BPI: variants seen among roughly 807,000 people sequenced by gnomAD.
BPI encodes bactericidal permeability increasing protein, also known as bactericidal permeability-increasing protein.
A neutral mutation model predicts 57.6 loss-of-function variants in BPI; 48 were observed. The ratio of observed to expected loss-of-function variants is 0.83; its 90% CI spans 0.66 to 1.06. The LOEUF is 1.06. BPI is among the 50% of genes least tolerant of loss of function. The probability of loss-of-function intolerance (pLI) is 0.00; values close to 1 mark genes in which losing one functional copy is unlikely to be tolerated. For synonymous variants in BPI, 237 were observed against 238.2 expected, an observed-to-expected ratio of 0.99 and a Z score of 0.05; for missense variants, 651 against 609.7, an observed-to-expected ratio of 1.07 and a Z score of -0.71.
At chr20:38,331,660 A>T (rs1319381824) in intron 12 of BPI, among the ~76,000 whole-genome samples, 1 of 152,098 alleles carries the variant, frequency 6.6e-6, no homozygotes, top group Non-Finnish European at 1.5e-5. Flanking sequence ...CCTGGGCAAC[A>T]TAGCAAGACC....
At position 38,326,300 on chromosome 20, in the gene BPI, C is replaced by A. The variant is rs1186272537; in HGVS notation, c.1029C>A (p.Ile343=). The change falls in exon 10 of 15, where the codon ATC becomes ATA. Residue 343 remains isoleucine (I), a synonymous_variant. Transcript: ENST00000642449. ...AKKFPNMKIQ[I]HVSASTPPHL... The stretch of plus-strand genomic sequence containing the variant: ...AGTTTCCCAACATGAAGATACAGAT[C>A]CATGTCTCAGCCTCCACCCCGCCAC... The A allele has an allele frequency of 6.2e-7, 1 of 1,613,864 alleles. No homozygotes were observed. Among genetic ancestry groups the A allele is most frequent in the East Asian group, 2.2e-5 (1 of 44,864 alleles).
chr20:38,322,020 T>C (rs138714745), intron 7 of BPI, among the ~76,000 whole-genome samples: 3 of 152,344 alleles, frequency 2.0e-5, no homozygotes, highest in Non-Finnish European at 4.4e-5. Context: ...TGTCATATTA[T>C]ATATTCTGCT....
intron 11 of BPI, among the ~76,000 whole-genome samples, chr20:38,328,411 G>T (rs1264942850): frequency 6.6e-6 from 1 of 152,044 alleles, no homozygotes; most frequent in Non-Finnish European, 1.5e-5. Flanking sequence ...AATTAACTGG[G>T]CATGGTCAGG....
intron 1 of BPI, 54 bp from the exon 2 acceptor site, chr20:38,307,513 T>C: frequency 7.3e-7 from 1 of 1,373,380 alleles, no homozygotes. Context: ...CCTGCCCCTC[T>C]GTCCCCTGCT....
At chr20:38,333,592 T>G (rs1483809470) in intron 12 of BPI, among the ~76,000 whole-genome samples, 2 of 151,460 alleles carry the variant, frequency 1.3e-5, no homozygotes, top group Non-Finnish European at 3.0e-5. Context: ...AAAAATGGAA[T>G]GATGTGATTT....
intron 12 of BPI, among the ~76,000 whole-genome samples, chr20:38,333,063 C>G (rs894908414): frequency 6.6e-6 from 1 of 152,016 alleles, no homozygotes; most frequent in Non-Finnish European, 1.5e-5. Flanking sequence ...CCCTCCAACC[C>G]CAAAGTCATA....
At chr20:38,311,992 C>G in intron 5 of BPI, 55 bp downstream of exon 5, 5 of 1,538,444 alleles carry the variant, frequency 3.3e-6, no homozygotes, top group Non-Finnish European at 4.5e-6. Context: ...CCTTAGTAAC[C>G]ACACACCTCC....
intron 3 of BPI, among the ~76,000 whole-genome samples, chr20:38,310,223 G>A (rs916435311): frequency 1.3e-5 from 2 of 152,170 alleles, no homozygotes; most frequent in South Asian, 4.1e-4. Flanking sequence ...TAAGAAACAT[G>A]CCCAAGGCCA....
intron 3 of BPI, among the ~76,000 whole-genome samples, chr20:38,309,709 A>C (rs2076613181): frequency 6.6e-6 from 1 of 152,222 alleles, no homozygotes; most frequent in Admixed American, 6.5e-5. Flanking sequence ...GGGCAGGGTG[A>C]AAAATAGGGG....
chr20:38,331,123 C>T (rs1288617870), intron 12 of BPI, 33 bp downstream of exon 12: 1 of 1,608,580 alleles, frequency 6.2e-7, no homozygotes, highest in Non-Finnish European at 8.5e-7. Flanking sequence ...CTTCTTCCTC[C>T]TTCTGACCTG....
Position 38,309,025 on chromosome 20 carries a change from T to C in BPI, c.341T>C (p.Ile114Thr). Residue 114 changes from isoleucine to threonine, a missense_variant, in exon 3 of 15, where the codon ATC becomes ACC. Coordinates refer to ENST00000642449, the MANE Select transcript of BPI (RefSeq NM_001725.3). ...TCCATCAGCAACGCCAATATCAAGA[T>C]CAGCGGGAAATGGAAGGCACAAAAG... Reference protein sequence around the residue: ...KFSISNANIKISGKWKAQKRF... With the variant: ...KFSISNANIKTSGKWKAQKRF... 6.2e-7 allele frequency: 1 copy of C among 1,614,214 alleles called. No individual in the cohort carries two copies. The highest frequency in any genetic ancestry group is 8.5e-7 in the Non-Finnish European group (1 of 1,180,044).
In BPI at chr20:38,336,125, G is replaced by A. The variant is rs114519200; in HGVS notation, c.1413+451G>A. Among the ~76,000 whole-genome samples the A allele has an allele frequency of 1.4e-3, 214 of 152,178 alleles. 1 individual carries two copies. The highest frequency in any genetic ancestry group is 4.6e-3 in the African/African-American group (192 of 41,536). Reference sequence around the variant, plus strand: ...GTGGCTTTCGCCCAGGCTGACTTCCGTCTGCATTTGACACTGATGCGCTTC... The same window carrying A: ...GTGGCTTTCGCCCAGGCTGACTTCCATCTGCATTTGACACTGATGCGCTTC... On this transcript the variant is annotated intron_variant, in intron 14 of 14. Transcript: ENST00000642449.
intron 9 of BPI, among the ~76,000 whole-genome samples, chr20:38,325,243 G>T (rs1453181708): frequency 6.7e-6 from 1 of 149,194 alleles, no homozygotes; most frequent in African/African-American, 2.5e-5. Context: ...GAAACCAACA[G>T]GTGGATGAGG....
chr20:38,313,797 GGATGAT>G (rs913587567), intron 5 of BPI, among the ~76,000 whole-genome samples: 1 of 141,042 alleles, frequency 7.1e-6, no homozygotes, highest in East Asian at 2.1e-4. Flanking sequence ...GTGATGGTGG[GGATGAT>G]GATGATGGTG....
chr20:38,318,397 G>A lies in BPI; in HGVS notation c.601-16G>A. 2 of 1,609,030 alleles carry A rather than the reference G, an allele frequency of 1.2e-6. No homozygotes were observed. Among genetic ancestry groups the A allele is most frequent in the Non-Finnish European group, 1.7e-6 (2 of 1,175,334 alleles). On this transcript the variant is annotated splice_polypyrimidine_tract_variant and intron_variant, in intron 5 of 14. Coordinates refer to ENST00000642449, the MANE Select transcript of BPI (RefSeq NM_001725.3). ...TATGGGAAGACCTTACTGATTACTT[G>A]TTTGGTTCTCCCCAGGTCTGCGAGA...
chr20:38,314,184 A>ATGG (rs1555838385), intron 5 of BPI, among the ~76,000 whole-genome samples: 12 of 94,398 alleles, frequency 1.3e-4, no homozygotes, highest in East Asian at 4.4e-4. Flanking sequence ...GATGATAATA[A>ATGG]TGATGGTGAT....
At chr20:38,326,723 A>G (rs2076715336) in intron 10 of BPI, among the ~76,000 whole-genome samples, 1 of 152,184 alleles carries the variant, frequency 6.6e-6, no homozygotes, top group African/African-American at 2.4e-5. Context: ...TACTGTTCCA[A>G]TTCATCCATT....
chr20:38,322,253 T>C lies in BPI; in HGVS notation c.757-1617T>C, dbSNP rs547079348. Among the ~76,000 whole-genome samples the C allele has an allele frequency of 9.8e-4, 149 of 152,260 alleles. 1 individual carries two copies. Among genetic ancestry groups the C allele is most frequent in the African/African-American group, 3.5e-3 (147 of 41,540 alleles). On this transcript the variant is annotated intron_variant, in intron 7 of 14. Coordinates refer to ENST00000642449, the MANE Select transcript of BPI (RefSeq NM_001725.3). ...TTGCAATCGTGTCTCTGTCTATCCT[T>C]GAGTATTTCCTAGAAGTGGAATTGC...
chr20:38,310,821 C>T (rs2076618495), intron 4 of BPI, among the ~76,000 whole-genome samples, 169 bp downstream of exon 4: 1 of 152,226 alleles, frequency 6.6e-6, no homozygotes, highest in Non-Finnish European at 1.5e-5. Flanking sequence ...CAGACACTGT[C>T]TCTTTCTCAA....
Sources: allele counts gnomAD v4.1 joint callset (sites outside exome capture counted in the v4.1 genomes callset), GRCh38; gene constraint gnomAD v4.1.1; transcripts MANE v1.5; gene names NCBI Gene and HGNC (gene_info 2026-07-23, HGNC 2026-07-21).